CARMIL1: variants seen among roughly 807,000 people sequenced by gnomAD.
The protein encoded by CARMIL1 is capping protein regulator and myosin 1 linker 1.
Under a neutral mutation model 177.1 loss-of-function variants are expected in CARMIL1, and 90 were observed. The ratio of observed to expected loss-of-function variants is 0.51; its 90% CI spans 0.43 to 0.61. The LOEUF is 0.61. Among genes scored for constraint, CARMIL1 ranks in the 20% least tolerant of loss-of-function variants. The pLI, the probability that CARMIL1 is intolerant of heterozygous loss-of-function variation, is 0.00. For missense variants in CARMIL1, 1,380 were observed against 1,667.0 expected (o/e 0.83, Z 3.00); for synonymous variants, 577 against 606.2 (o/e 0.95, Z 0.71).
chr6:25,323,710 A>G (rs985151717), intron 2 of CARMIL1, among the ~76,000 whole-genome samples: 1 of 152,246 alleles, frequency 6.6e-6, no homozygotes, highest in Admixed American at 6.5e-5. Context: ...GTAAAGTAAC[A>G]TGACAGCTTA....
At chr6:25,430,103 CAA>C (rs1796615636) in intron 4 of CARMIL1, among the ~76,000 whole-genome samples, 1 of 151,990 alleles carries the variant, frequency 6.6e-6, no homozygotes, top group African/African-American at 2.4e-5. Flanking sequence ...CTTAGCCTCC[CAA>C]AGTGTTGGGA....
rs574029382 is a variant in CARMIL1, at chr6:25,587,279, G to T, written c.3006+5840G>T. Among the ~76,000 whole-genome samples the T allele has an allele frequency of 7.9e-5, 12 of 152,096 alleles. No homozygotes were observed. In the South Asian group the frequency reaches 1.0e-3, roughly 13 times the overall value. On this transcript the variant is annotated intron_variant, in intron 31 of 36. Coordinates refer to ENST00000329474, the MANE Select transcript of CARMIL1 (RefSeq NM_017640.6). ...TTTTACTTAATTTAAGTAGATAAAA[G>T]AATTCTTAAAAATTACATTATAGCT... is the stretch of plus-strand genomic sequence containing the variant.
chr6:25,424,338 A>C (rs1229776255), intron 3 of CARMIL1, among the ~76,000 whole-genome samples: 1 of 152,142 alleles, frequency 6.6e-6, no homozygotes, highest in East Asian at 1.9e-4. Context: ...GCTCCCCAGC[A>C]CTTTGTTGTT....
chr6:25,363,916 T>G (rs1010664186), intron 2 of CARMIL1, among the ~76,000 whole-genome samples: 1 of 152,142 alleles, frequency 6.6e-6, no homozygotes, highest in Non-Finnish European at 1.5e-5. Context: ...TAGATTTTTT[T>G]CTTCCTTTCT....
At chr6:25,518,085 G>A (rs1714037238) in intron 22 of CARMIL1, among the ~76,000 whole-genome samples, 2 of 152,120 alleles carry the variant, frequency 1.3e-5, no homozygotes, top group African/African-American at 4.8e-5. Context: ...AAAATGAGAG[G>A]CTATAAAATA....
At chr6:25,595,783 C>G (rs1424143812) in intron 32 of CARMIL1, among the ~76,000 whole-genome samples, 1 of 152,166 alleles carries the variant, frequency 6.6e-6, no homozygotes, top group East Asian at 1.9e-4. Flanking sequence ...AAAACCAACA[C>G]AAACATATAG....
intron 2 of CARMIL1, among the ~76,000 whole-genome samples, chr6:25,322,155 C>T (rs1784728218): frequency 6.8e-6 from 1 of 147,964 alleles, no homozygotes; most frequent in Admixed American, 6.7e-5. Flanking sequence ...CAGAGTCTCG[C>T]TCTGTCACCC....
At position 25,350,125 on chromosome 6, in the gene CARMIL1, G is replaced by A. The variant is rs912474045; in HGVS notation, c.138+65216G>A. ...TGTCTGGCCTTTGTCTGCTCCTCTCGGTCTAAGAGAGAGCTGGGCAGGCAT... is the reference window on the plus strand; with the variant it reads ...TGTCTGGCCTTTGTCTGCTCCTCTCAGTCTAAGAGAGAGCTGGGCAGGCAT... On this transcript the variant is annotated intron_variant, in intron 2 of 36. Transcript: ENST00000329474. 3.3e-5 allele frequency among the ~76,000 whole-genome samples: 5 copies of A among 152,096 alleles called. 1 individual carries two copies. In the South Asian group the frequency reaches 8.3e-4, roughly 25 times the overall value.
At chr6:25,471,361 A>C in intron 10 of CARMIL1, 104 bp downstream of exon 10, 1 of 663,872 alleles carries the variant, frequency 1.5e-6, no homozygotes. Context: ...GGCTGATCAC[A>C]TATACAGCAA....
chr6:25,420,798 A>AC (rs1190886571), intron 3 of CARMIL1, among the ~76,000 whole-genome samples: 14 of 152,236 alleles, frequency 9.2e-5, no homozygotes, highest in Non-Finnish European at 1.9e-4. Context: ...TTTGTGGATT[A>AC]ATCATAATAA....
chr6:25,499,471 G>A (rs1804094141), intron 16 of CARMIL1, among the ~76,000 whole-genome samples: 2 of 152,186 alleles, frequency 1.3e-5, no homozygotes, highest in African/African-American at 4.8e-5. Flanking sequence ...GATGGTGTTG[G>A]ATTTTATAGG....
chr6:25,442,504 GC>G (rs1797867772), intron 5 of CARMIL1, among the ~76,000 whole-genome samples: 1 of 151,594 alleles, frequency 6.6e-6, no homozygotes, highest in Non-Finnish European at 1.5e-5. Flanking sequence ...GTGAGCTGGT[GC>G]CCGGTAACAA....
chr6:25,537,779 C>T, intron 24 of CARMIL1, 76 bp from the exon 25 acceptor site: 1 of 1,558,698 alleles, frequency 6.4e-7, no homozygotes, highest in Non-Finnish European at 8.7e-7. Context: ...TTTCATACTC[C>T]TTCGTTCTGT....
At chr6:25,429,772 T>C (rs1488258814) in intron 4 of CARMIL1, among the ~76,000 whole-genome samples, 1 of 145,380 alleles carries the variant, frequency 6.9e-6, no homozygotes, top group Non-Finnish European at 1.5e-5. Flanking sequence ...AATGATTAGT[T>C]ATATTGATTA....
intron 2 of CARMIL1, among the ~76,000 whole-genome samples, chr6:25,401,297 A>C (rs1793865667): frequency 6.6e-6 from 1 of 152,004 alleles, no homozygotes; most frequent in Non-Finnish European, 1.5e-5. Context: ...CACACACAAA[A>C]TGTATATGTA....
intron 32 of CARMIL1, among the ~76,000 whole-genome samples, chr6:25,597,785 G>T (rs1814992547): frequency 6.6e-6 from 1 of 152,122 alleles, no homozygotes; most frequent in Non-Finnish European, 1.5e-5. Context: ...GCACCTTCTT[G>T]AATTGCTTCC....
intron 12 of CARMIL1, among the ~76,000 whole-genome samples, chr6:25,486,948 TA>T (rs60348282): frequency 2.5e-4 from 37 of 149,654 alleles, no homozygotes; most frequent in East Asian, 9.7e-4. Context: ...TTTTTGAGGG[TA>T]AAAAAAAAAT....
At chr6:25,281,620 G>C (rs2690056) in intron 1 of CARMIL1, among the ~76,000 whole-genome samples, 12,506 of 152,084 alleles carry the variant, frequency 0.082, 906 homozygotes, top group African/African-American at 0.2. Context: ...TCTCTTTCAA[G>C]AGAGTGACAT....
At chr6:25,564,314 G>A (rs1189810502) in intron 29 of CARMIL1, among the ~76,000 whole-genome samples, 9 of 152,144 alleles carry the variant, frequency 5.9e-5, no homozygotes, top group Non-Finnish European at 1.3e-4. Flanking sequence ...AGTAGAAGAG[G>A]ATTTGGTACC....
Sources: gnomAD v4.1 joint callset for allele counts (sites outside exome capture counted in the v4.1 genomes callset) on GRCh38, gnomAD v4.1.1 for gene constraint, MANE v1.5 for transcripts, NCBI Gene and HGNC (gene_info 2026-07-23, HGNC 2026-07-21) for gene names.